SLC5A12: variants seen among roughly 807,000 people sequenced by gnomAD.
SLC5A12 encodes solute carrier family 5 member 12.
SLC5A12 carries 46 observed loss-of-function variants against 72.7 expected under a neutral mutation model. The ratio of observed to expected loss-of-function variants is 0.63; its 90% confidence interval spans 0.50 to 0.81. The LOEUF (loss-of-function observed/expected upper bound fraction) is 0.81, where lower values mean the gene tolerates loss of function less well. Among genes scored for constraint, SLC5A12 ranks in the 30% least tolerant of loss-of-function variants. The probability of loss-of-function intolerance (pLI) is 0.00; values close to 1 mark genes in which losing one functional copy is unlikely to be tolerated. For missense variants in SLC5A12, 683 were observed against 740.7 expected (o/e 0.92, Z 0.90); for synonymous variants, 275 against 264.4 (o/e 1.04, Z -0.39).
chr11:26,721,400 T>A lies in SLC5A12; in HGVS notation c.315A>T (p.Arg105Ser), dbSNP rs1182966337. ...TSELFLPVFYRSGITSTYEYL... is the reference protein window; with the variant it reads ...TSELFLPVFYSSGITSTYEYL... ...CCTCATAAGTGCTGGTGATACCAGA[T>A]CTGTAGAACACAGGGAGAAAGAGCT... The change falls in exon 1 of 15, where the codon AGA becomes AGT. Residue 105 changes from arginine to serine, a missense_variant. Coordinates refer to ENST00000396005, the MANE Select transcript of SLC5A12 (RefSeq NM_178498.4). 8 of 1,613,268 alleles carry A rather than the reference T, an allele frequency of 5.0e-6. No homozygotes were observed. Among genetic ancestry groups the A allele is most frequent in the Admixed American group, 1.7e-5 (1 of 59,930 alleles).
intron 8 of SLC5A12, among the ~76,000 whole-genome samples, chr11:26,693,271 T>C (rs114524185): frequency 2.3e-3 from 348 of 152,248 alleles, no homozygotes; most frequent in African/African-American, 8.0e-3. Context: ...AAAGATGTTG[T>C]AGGATGAAGG....
chr11:26,714,596 A>C (rs1204614039), intron 1 of SLC5A12, among the ~76,000 whole-genome samples: 1 of 152,202 alleles, frequency 6.6e-6, no homozygotes, highest in Non-Finnish European at 1.5e-5. Flanking sequence ...ATTTTAAAGT[A>C]TCAATTGGCT....
intron 1 of SLC5A12, chr11:26,716,480 T>C (rs1855351751): frequency 1.3e-5 from 2 of 152,224 alleles, no homozygotes; most frequent in Non-Finnish European, 2.9e-5. Context: ...AAGCTATTCC[T>C]ATTGTCAAAA....
chr11:26,689,225 G>A (rs1393831621), intron 9 of SLC5A12, among the ~76,000 whole-genome samples: 14 of 151,862 alleles, frequency 9.2e-5, no homozygotes, highest in Admixed American at 8.5e-4. Flanking sequence ...GTGAAACCCC[G>A]TTTCTACTAA....
intron 2 of SLC5A12, 133 bp downstream of exon 2, chr11:26,712,508 T>G (rs1285058150): frequency 1.8e-5 from 9 of 510,620 alleles, no homozygotes; most frequent in Non-Finnish European, 2.7e-5. Context: ...ATATTAAAAG[T>G]GCTATCTTTG....
Position 26,673,500 on chromosome 11 carries a change from G to A in SLC5A12, c.1609C>T (p.Leu537=), listed in dbSNP as rs750917977. ...GRQRGEDIQP[L]LIRPVCNLFC... ...AAATTACAAACTGGTCTAATTAACA[G>A]TGGTTGAATATCCTCACCTCTTTGG... The change falls in exon 14 of 15, where the codon CTG becomes TTG. Residue 537 remains leucine, a synonymous_variant. Coordinates refer to ENST00000396005, the MANE Select transcript of SLC5A12 (RefSeq NM_178498.4). The A allele has an allele frequency of 6.2e-7, 1 of 1,610,992 alleles. No homozygotes were observed.
intron 4 of SLC5A12, among the ~76,000 whole-genome samples, chr11:26,704,916 T>G (rs1321618124): frequency 1.3e-5 from 2 of 152,028 alleles, no homozygotes; most frequent in Non-Finnish European, 2.9e-5. Context: ...TTCCAGACAT[T>G]CATAGAGGAA....
intron 13 of SLC5A12, among the ~76,000 whole-genome samples, chr11:26,678,396 T>C (rs1854313032): frequency 6.6e-6 from 1 of 152,130 alleles, no homozygotes. Context: ...TTTTGGTTTT[T>C]TGAGACGGAG....
intron 4 of SLC5A12, among the ~76,000 whole-genome samples, chr11:26,705,727 GT>G (rs1354035963): frequency 6.6e-6 from 1 of 151,968 alleles, no homozygotes; most frequent in Non-Finnish European, 1.5e-5. Flanking sequence ...TAAGATTTTA[GT>G]GCTATGAAGA....
At chr11:26,678,220 A>T (rs1031335242) in intron 13 of SLC5A12, among the ~76,000 whole-genome samples, 1 of 152,202 alleles carries the variant, frequency 6.6e-6, no homozygotes, top group Non-Finnish European at 1.5e-5. Context: ...TCTTACTGGG[A>T]TGAAGGGAAA....
chr11:26,672,189 T>C (rs138162469), intron 14 of SLC5A12, among the ~76,000 whole-genome samples: 140 of 152,270 alleles, frequency 9.2e-4, no homozygotes, highest in African/African-American at 3.2e-3. Flanking sequence ...AACGTGGTGC[T>C]CTTGCCTCCT....
chr11:26,674,171 C>T (rs1362814819), intron 13 of SLC5A12, among the ~76,000 whole-genome samples: 1 of 152,088 alleles, frequency 6.6e-6, no homozygotes, highest in Non-Finnish European at 1.5e-5. Context: ...TTTTGCTCCT[C>T]CCAGAACTTA....
Position 26,721,383 on chromosome 11 carries a change from G to T in SLC5A12, c.332C>A (p.Thr111Asn). 6.2e-7 allele frequency: 1 copy of T among 1,605,100 alleles called. No homozygotes were observed. Residue 111 changes from threonine (T) to asparagine (N), a missense_variant, in exon 1 of 15, where the codon ACT (threonine) becomes AAT (asparagine). Physicochemically the swap from Thr to Asn is moderately conservative, Grantham distance 65 (BLOSUM62 0). Coordinates refer to ENST00000396005, the MANE Select transcript of SLC5A12 (RefSeq NM_178498.4). ...ATGGAGAAATCATCTTACCTCATAA[G>T]TGCTGGTGATACCAGATCTGTAGAA... ...PVFYRSGITS[T>N]YEYLQLRFNK...
rs761372719 is a variant in SLC5A12, at chr11:26,668,088, A to AT, written c.*3013dup. On this transcript the variant is annotated 3_prime_UTR_variant, in exon 15 of 15. Coordinates refer to ENST00000396005, the MANE Select transcript of SLC5A12 (RefSeq NM_178498.4). ...CCTATTAATTGGTGAATAAACTAAG[A>AT]TTTTAAAATATTGCCCAAAATTACC... is the stretch of plus-strand genomic sequence containing the variant. 6.6e-6 allele frequency: 1 copy of AT among 151,978 alleles called. No homozygotes were observed. The highest frequency in any genetic ancestry group is 1.5e-5 in the Non-Finnish European group (1 of 67,952). The allele number at this position is 151,978 out of a possible 1,614,324, so 9.4% of individuals were successfully genotyped here.
At chr11:26,697,519 C>T (rs1481658214) in intron 7 of SLC5A12, among the ~76,000 whole-genome samples, 1 of 152,148 alleles carries the variant, frequency 6.6e-6, no homozygotes. Flanking sequence ...ATATGATGCA[C>T]TACTCTACAT....
At chr11:26,684,300 T>C (rs1854478009) in intron 10 of SLC5A12, among the ~76,000 whole-genome samples, 1 of 152,132 alleles carries the variant, frequency 6.6e-6, no homozygotes, top group African/African-American at 2.4e-5. Context: ...TGGAGGCAGA[T>C]GAGGGTAAAG....
In SLC5A12 at chr11:26,667,770, G is replaced by A. The variant is rs1854033009; in HGVS notation, c.*3332C>T. ...AAAATAATATTTTATTTAAACTCTGGCATTAAAAAAACTACTCTTTGGAAA... is the reference window on the plus strand; with the variant it reads ...AAAATAATATTTTATTTAAACTCTGACATTAAAAAAACTACTCTTTGGAAA... On this transcript the variant is annotated 3_prime_UTR_variant, in exon 15 of 15. Coordinates refer to ENST00000396005, the MANE Select transcript of SLC5A12 (RefSeq NM_178498.4). 1 of 151,178 alleles carries A rather than the reference G, an allele frequency of 6.6e-6. No homozygotes were observed. 9.4% of individuals were successfully genotyped at this position (151,178 alleles called of 1,614,324 possible). A position where few individuals can be genotyped will look rare whatever the true frequency, so the allele number is the denominator to read the frequency against.
chr11:26,686,556 A>T lies in SLC5A12; in HGVS notation c.1154-12T>A, dbSNP rs541698373. ...GCCAAATAAGAGACCTGAAAGAAAG[A>T]AAAATTACAATCATAATTTCCTGAG... On this transcript the variant is annotated splice_polypyrimidine_tract_variant and intron_variant, in intron 9 of 14. Transcript: ENST00000396005. The T allele has an allele frequency of 6.2e-7, 1 of 1,613,104 alleles. No homozygotes were observed. Among genetic ancestry groups the T allele is most frequent in the South Asian group, 1.1e-5 (1 of 91,038 alleles).
At chr11:26,695,612 T>C (rs903216599) in intron 8 of SLC5A12, among the ~76,000 whole-genome samples, 4 of 152,010 alleles carry the variant, frequency 2.6e-5, no homozygotes, top group African/African-American at 9.7e-5. Context: ...AAATAGACAA[T>C]GAACAAATGA....
Sources: gnomAD v4.1 joint callset for allele counts (sites outside exome capture counted in the v4.1 genomes callset) on GRCh38, gnomAD v4.1.1 for gene constraint, MANE v1.5 for transcripts, NCBI Gene and HGNC (gene_info 2026-07-23, HGNC 2026-07-21) for gene names.